Variants in GAB1 observed in about 807,000 individuals in gnomAD.
The protein encoded by GAB1 is GRB2-associated-binding protein 1.
A neutral mutation model predicts 66.5 loss-of-function variants in GAB1; 19 were observed. The observed-to-expected ratio is 0.29, with a 90% CI of 0.20 to 0.42. GAB1 has a LOEUF of 0.42. Ranked by LOEUF, GAB1 falls within the 10% of genes least tolerant of loss-of-function variation. The probability of loss-of-function intolerance (pLI) is 1.00; values close to 1 mark genes in which losing one functional copy is unlikely to be tolerated. For synonymous variants in GAB1, 294 were observed against 301.4 expected (o/e 0.98, Z 0.25); for missense variants, 732 against 858.5 (o/e 0.85, Z 1.84).
At position 143,416,825 on chromosome 4, in the gene GAB1, C is replaced by T. The variant is rs552667936; in HGVS notation, c.367+1054C>T. On this transcript the variant is annotated intron_variant, in intron 2 of 9. Coordinates refer to ENST00000262994, the MANE Select transcript of GAB1 (RefSeq NM_002039.4). ...TATGCCTAGTGTTCCATTATTGGAA[C>T]GCTAAGCATGTGGGAGTTATTTATA... Among the ~76,000 whole-genome samples the T allele has an allele frequency of 2.2e-4, 34 of 152,218 alleles. No homozygotes were observed. In the South Asian group the frequency reaches 6.0e-3, roughly 27 times the overall value.
chr4:143,371,702 A>T (rs1730129316), intron 1 of GAB1, among the ~76,000 whole-genome samples: 1 of 152,158 alleles, frequency 6.6e-6, no homozygotes, highest in Non-Finnish European at 1.5e-5. Flanking sequence ...TTAAGTCTTT[A>T]ATCCATCTTG....
At position 143,452,081 on chromosome 4, in the gene GAB1, G is replaced by A. The variant is rs144488846; in HGVS notation, c.1586-7304G>A. On this transcript the variant is annotated intron_variant, in intron 6 of 9. Transcript: ENST00000262994. Reference sequence around the variant, plus strand: ...TGCCTTGACATCAGTGTTTGCACAGGAAGTTTTTATGCAGTTTGCAAGGCT... The same window carrying A: ...TGCCTTGACATCAGTGTTTGCACAGAAAGTTTTTATGCAGTTTGCAAGGCT... 5.6e-3 allele frequency among the ~76,000 whole-genome samples: 847 copies of A among 152,186 alleles called. 9 individuals are homozygous for A. The highest frequency in any genetic ancestry group is 0.019 in the African/African-American group (794 of 41,528).
At chr4:143,431,505 A>G (rs1164059334) in intron 2 of GAB1, among the ~76,000 whole-genome samples, 1 of 152,168 alleles carries the variant, frequency 6.6e-6, no homozygotes, top group African/African-American at 2.4e-5. Flanking sequence ...AATTCTTTTA[A>G]ATTCTTTGTT....
intron 9 of GAB1, 112 bp from the exon 10 acceptor site, chr4:143,468,919 T>G: frequency 8.6e-7 from 1 of 1,159,634 alleles, no homozygotes; most frequent in Non-Finnish European, 1.2e-6. Flanking sequence ...GCAAAACTCC[T>G]TCTCAAAAAA....
chr4:143,361,688 C>G (rs185039012), intron 1 of GAB1, among the ~76,000 whole-genome samples: 1 of 152,092 alleles, frequency 6.6e-6, no homozygotes, highest in Non-Finnish European at 1.5e-5. Context: ...CACAGTCACA[C>G]GAGACCCCAA....
chr4:143,394,128 G>A (rs1731319541), intron 1 of GAB1, among the ~76,000 whole-genome samples: 1 of 152,104 alleles, frequency 6.6e-6, no homozygotes, highest in African/African-American at 2.4e-5. Context: ...AAAAAAATTA[G>A]CTGGGCATGG....
chr4:143,396,427 G>T (rs2149693584), intron 1 of GAB1, among the ~76,000 whole-genome samples: 1 of 152,212 alleles, frequency 6.6e-6, no homozygotes, highest in African/African-American at 2.4e-5. Flanking sequence ...GAGAGATGGG[G>T]GGAAAGGATG....
intron 1 of GAB1, among the ~76,000 whole-genome samples, chr4:143,347,156 A>C (rs912289017): frequency 2.0e-5 from 3 of 152,234 alleles, no homozygotes; most frequent in Non-Finnish European, 4.4e-5. Context: ...TCCAGAGGAC[A>C]GAGATGGCAT....
chr4:143,358,022 A>C (rs886360778), intron 1 of GAB1, among the ~76,000 whole-genome samples: 5 of 152,166 alleles, frequency 3.3e-5, no homozygotes, highest in African/African-American at 1.2e-4. Flanking sequence ...CTATTTTAAA[A>C]AACCACTTTT....
At position 143,433,290 on chromosome 4, in the gene GAB1, C is replaced by A. The variant is rs1733770322; in HGVS notation, c.368-201C>A. Among the ~76,000 whole-genome samples, 4 of 152,068 alleles carry A rather than the reference C, an allele frequency of 2.6e-5. No individual in the cohort carries two copies. In the South Asian group the frequency reaches 8.3e-4, roughly 32 times the overall value. On this transcript the variant is annotated intron_variant, in intron 2 of 9. Transcript: ENST00000262994. ...AGAGGATCTGGAATATATATAGAGT[C>A]CTACTCTTTAGATCTCTTTGACAAG...
intron 1 of GAB1, among the ~76,000 whole-genome samples, chr4:143,412,456 T>C (rs1732446724): frequency 6.6e-6 from 1 of 152,230 alleles, no homozygotes; most frequent in Non-Finnish European, 1.5e-5. Context: ...ATTCTGTTTA[T>C]TTATTGTACA....
At chr4:143,343,760 C>T (rs1728901083) in intron 1 of GAB1, among the ~76,000 whole-genome samples, 1 of 152,132 alleles carries the variant, frequency 6.6e-6, no homozygotes, top group African/African-American at 2.4e-5. Context: ...GTACTGCTGG[C>T]AGCAACAGCA....
At position 143,472,206 on chromosome 4, in the gene GAB1, T is replaced by G. The variant is rs1736110270; in HGVS notation, c.*3017T>G. 1 of 152,214 alleles carries G rather than the reference T, an allele frequency of 6.6e-6. No homozygotes were observed. Among genetic ancestry groups the G allele is most frequent in the African/African-American group, 2.4e-5 (1 of 41,472 alleles). 9.4% of individuals were successfully genotyped at this position (152,214 alleles called of 1,614,324 possible). A position where few individuals can be genotyped will look rare whatever the true frequency, so the allele number is the denominator to read the frequency against. ...TTCAGTTTATACATCTTTATCATTA[T>G]CAATACTATATAAGTTACTGTGAGC... On this transcript the variant is annotated 3_prime_UTR_variant, in exon 10 of 10. Coordinates refer to ENST00000262994, the MANE Select transcript of GAB1 (RefSeq NM_002039.4).
Position 143,405,475 on chromosome 4 carries a change from TACA to T in GAB1, c.73-9997_73-9995del, listed in dbSNP as rs373464025. ...ATTTGAGAGTTTATGGCTGAATTCT[TACA>T]ACAATAAGAAAACCCACTATTGGTT... is the stretch of plus-strand genomic sequence containing the variant. On this transcript the variant is annotated intron_variant, in intron 1 of 9. Transcript: ENST00000262994. Among the ~76,000 whole-genome samples the T allele has an allele frequency of 2.5e-3, 379 of 152,326 alleles. 3 individuals are homozygous for T. The highest frequency in any genetic ancestry group is 8.7e-3 in the African/African-American group (363 of 41,584).
chr4:143,467,079 A>G (rs1400758797), intron 9 of GAB1, among the ~76,000 whole-genome samples: 2 of 152,076 alleles, frequency 1.3e-5, no homozygotes, highest in Non-Finnish European at 2.9e-5. Flanking sequence ...GGTCATTGGT[A>G]GTAATTTTTT....
rs1459174535 is a variant in GAB1 at position 143,418,090 on chromosome 4, G to A, written c.367+2319G>A. On this transcript the variant is annotated intron_variant, in intron 2 of 9. Transcript: ENST00000262994. ...GCCAGGGCTGGGGTTTGCCCAGTGG[G>A]GTCGGGGAAACCCCTTAATGAGGGC... Among the ~76,000 whole-genome samples the A allele has an allele frequency of 2.6e-5, 4 of 152,220 alleles. No homozygotes were observed. In the East Asian group the frequency reaches 5.8e-4, roughly 22 times the overall value.
chr4:143,337,134 G>A lies in GAB1; in HGVS notation c.-55G>A. On this transcript the variant is annotated 5_prime_UTR_variant, in exon 1 of 10. Transcript: ENST00000262994. ...CGCTCGGCAGGCGTCGGCTGTGTCG[G>A]GAGCGCGCCCGCCGCCCCTCAGCTG... 2.7e-6 allele frequency: 4 copies of A among 1,494,232 alleles called. No individual in the cohort carries two copies. Among genetic ancestry groups the A allele is most frequent in the Non-Finnish European group, 3.6e-6 (4 of 1,098,846 alleles). 92.6% of individuals were successfully genotyped at this position (1,494,232 alleles called of 1,614,324 possible). A position where few individuals can be genotyped will look rare whatever the true frequency, so the allele number is the denominator to read the frequency against.
At chr4:143,395,796 C>T in intron 1 of GAB1, 1 of 432,390 alleles carries the variant, frequency 2.3e-6, no homozygotes, top group Non-Finnish European at 4.6e-6. Context: ...AAAGCATATC[C>T]CTCCACATAC....
intron 2 of GAB1, chr4:143,417,349 C>CT (rs1553950870): frequency 7.9e-6 from 3 of 379,494 alleles, no homozygotes; most frequent in South Asian, 4.2e-5. Flanking sequence ...AGCTGAGTGA[C>CT]TAGAGGGCTC....
Sources: allele counts gnomAD v4.1 joint callset (sites outside exome capture counted in the v4.1 genomes callset), GRCh38; gene constraint gnomAD v4.1.1; transcripts MANE v1.5; gene names NCBI Gene and HGNC (gene_info 2026-07-23, HGNC 2026-07-21).